The following FOXJ3 variants were observed in gnomAD, a reference collection of about 807,000 sequenced individuals.
FOXJ3 encodes forkhead box J3, also known as forkhead box protein J3.
A neutral mutation model predicts 76.1 loss-of-function variants in FOXJ3; 22 were observed. The ratio of observed to expected loss-of-function variants is 0.29; its 90% confidence interval spans 0.21 to 0.41. The LOEUF is 0.41. FOXJ3 is among the 10% of genes least tolerant of loss of function. The pLI is 1.00. For missense variants in FOXJ3, 613 were observed against 762.1 expected (o/e 0.80, Z 2.30); for synonymous variants, 269 against 261.2 (o/e 1.03, Z -0.29).
chr1:42,296,840 CTG>C (rs1396315134), intron 2 of FOXJ3, among the ~76,000 whole-genome samples: 1 of 152,040 alleles, frequency 6.6e-6, no homozygotes, highest in Non-Finnish European at 1.5e-5. Context: ...TCTGTGAAAA[CTG>C]ATGTTAGTAA....
At chr1:42,265,804 G>A (rs1046145445) in intron 3 of FOXJ3, among the ~76,000 whole-genome samples, 7 of 152,134 alleles carry the variant, frequency 4.6e-5, no homozygotes, top group African/African-American at 7.2e-5. Context: ...AAACCACATG[G>A]AAAGATACTG....
At chr1:42,285,144 T>G (rs559622991) in intron 2 of FOXJ3, among the ~76,000 whole-genome samples, 1 of 152,304 alleles carries the variant, frequency 6.6e-6, no homozygotes, top group East Asian at 1.9e-4. Context: ...GGGGTACATT[T>G]GCAGGATGTG....
chr1:42,324,881 T>C (rs1320377705), intron 1 of FOXJ3, among the ~76,000 whole-genome samples: 1 of 152,182 alleles, frequency 6.6e-6, no homozygotes, highest in Non-Finnish European at 1.5e-5. Context: ...TACACTACTG[T>C]AGACTTTATA....
chr1:42,319,583 CTG>C (rs1655317532), intron 1 of FOXJ3, among the ~76,000 whole-genome samples: 1 of 152,156 alleles, frequency 6.6e-6, no homozygotes, highest in Non-Finnish European at 1.5e-5. Context: ...TAAAATTAGA[CTG>C]TAGCAATGGT....
At chr1:42,264,158 A>C (rs1321486412) in intron 4 of FOXJ3, among the ~76,000 whole-genome samples, 1 of 152,084 alleles carries the variant, frequency 6.6e-6, no homozygotes, top group Non-Finnish European at 1.5e-5. Flanking sequence ...CAATACTGAA[A>C]GATAAGAAGC....
At chr1:42,287,200 C>T (rs1191602330) in intron 2 of FOXJ3, among the ~76,000 whole-genome samples, 1 of 151,706 alleles carries the variant, frequency 6.6e-6, no homozygotes, top group East Asian at 2.0e-4. Context: ...ATTAGCTGGG[C>T]ATGGTGGCAT....
intron 11 of FOXJ3, among the ~76,000 whole-genome samples, chr1:42,188,488 G>T (rs971330059): frequency 2.6e-5 from 4 of 152,198 alleles, no homozygotes; most frequent in African/African-American, 7.2e-5. Flanking sequence ...AAGGATAATG[G>T]TTACAACAGT....
chr1:42,221,690 C>T (rs78613423), intron 5 of FOXJ3, among the ~76,000 whole-genome samples: 269 of 151,500 alleles, frequency 1.8e-3, no homozygotes, highest in Non-Finnish European at 3.1e-3. Context: ...CAAAGTACTG[C>T]GATTACAGGC....
chr1:42,256,841 A>G (rs1324857617), intron 4 of FOXJ3, among the ~76,000 whole-genome samples: 1 of 152,256 alleles, frequency 6.6e-6, no homozygotes, highest in African/African-American at 2.4e-5. Flanking sequence ...AAATAAATGT[A>G]TAAACAAATT....
At chr1:42,262,779 A>C (rs1447152238) in intron 4 of FOXJ3, among the ~76,000 whole-genome samples, 1 of 152,096 alleles carries the variant, frequency 6.6e-6, no homozygotes, top group Admixed American at 6.6e-5. Context: ...AACCCGGGAG[A>C]CGGAGGCTGC....
At chr1:42,211,219 T>C (rs1646960290) in intron 5 of FOXJ3, among the ~76,000 whole-genome samples, 1 of 152,178 alleles carries the variant, frequency 6.6e-6, no homozygotes, top group Non-Finnish European at 1.5e-5. Context: ...TGGGTGCATC[T>C]GTAGATACTC....
chr1:42,301,199 C>CT (rs1419000596), intron 2 of FOXJ3, among the ~76,000 whole-genome samples: 4 of 151,254 alleles, frequency 2.6e-5, no homozygotes, highest in Non-Finnish European at 5.9e-5. Context: ...GACTTTTTCA[C>CT]TTTTTTTTTC....
chr1:42,287,283 T>A (rs1653121948), intron 2 of FOXJ3, among the ~76,000 whole-genome samples: 1 of 151,908 alleles, frequency 6.6e-6, no homozygotes, highest in African/African-American at 2.4e-5. Context: ...GAGGCTGCAG[T>A]GAGCCAAGAT....
intron 5 of FOXJ3, among the ~76,000 whole-genome samples, chr1:42,208,152 C>T (rs762175001): frequency 3.3e-5 from 5 of 152,192 alleles, no homozygotes; most frequent in Non-Finnish European, 7.4e-5. Flanking sequence ...TTAAGAACAT[C>T]AACACAGTAT....
At chr1:42,284,018 G>A (rs1652894379) in intron 2 of FOXJ3, among the ~76,000 whole-genome samples, 1 of 152,322 alleles carries the variant, frequency 6.6e-6, no homozygotes, top group South Asian at 2.1e-4. Flanking sequence ...TATGGAAACA[G>A]AGAAAAAGTC....
intron 5 of FOXJ3, among the ~76,000 whole-genome samples, chr1:42,224,013 T>C (rs1291294207): frequency 6.6e-6 from 1 of 152,242 alleles, no homozygotes; most frequent in Admixed American, 6.5e-5. Context: ...TTAATACACA[T>C]AAAATCCTTT....
chr1:42,193,998 T>A (rs647016), intron 8 of FOXJ3, among the ~76,000 whole-genome samples: 125,525 of 152,222 alleles, frequency 0.82, 51,942 homozygotes, highest in Middle Eastern at 0.92. Context: ...ATTTATGATG[T>A]ACAAGCCCTC....
intron 1 of FOXJ3, among the ~76,000 whole-genome samples, chr1:42,322,204 A>G (rs970674508): frequency 2.6e-5 from 4 of 152,176 alleles, no homozygotes; most frequent in Non-Finnish European, 5.9e-5. Context: ...TTTAAGAAAT[A>G]TAACAACCAA....
chr1:42,181,348 T>C (rs1441559280), intron 12 of FOXJ3, among the ~76,000 whole-genome samples: 6 of 152,200 alleles, frequency 3.9e-5, no homozygotes, highest in African/African-American at 7.2e-5. Flanking sequence ...GCGGGAAAAG[T>C]GTATGAACCA....
Sources: allele counts gnomAD v4.1 joint callset (sites outside exome capture counted in the v4.1 genomes callset), GRCh38; gene constraint gnomAD v4.1.1; transcripts MANE v1.5; gene names NCBI Gene and HGNC (gene_info 2026-07-23, HGNC 2026-07-21).